The following WDR49 variants were observed in gnomAD, a reference collection of about 807,000 sequenced individuals.
WDR49 encodes cilia- and flagella-associated protein 337.
In WDR49, 107 loss-of-function variants were observed where a neutral mutation model predicts 119.5. The ratio of observed to expected loss-of-function variants is 0.90; its 90% CI spans 0.77 to 1.05. The LOEUF (loss-of-function observed/expected upper bound fraction) is 1.05, where lower values mean the gene tolerates loss of function less well. Among genes scored for constraint, WDR49 ranks in the 50% least tolerant of loss-of-function variants. The pLI is 0.00. For synonymous variants in WDR49, 425 were observed against 418.8 expected, an observed-to-expected ratio of 1.01 and a Z score of -0.18; for missense variants, 1,240 against 1,220.5, an observed-to-expected ratio of 1.02 and a Z score of -0.24.
chr3:167,603,360 T>G (rs986534858), intron 6 of WDR49, among the ~76,000 whole-genome samples: 1 of 152,132 alleles, frequency 6.6e-6, no homozygotes. Context: ...TTTGAGTCCT[T>G]GCCAAAATGA....
At chr3:167,485,902 A>G (rs1009470994) in intron 18 of WDR49, among the ~76,000 whole-genome samples, 25 of 151,926 alleles carry the variant, frequency 1.6e-4, no homozygotes, top group African/African-American at 6.0e-4. Context: ...AATACAAAGA[A>G]CCCTGGAAAG....
intron 7 of WDR49, among the ~76,000 whole-genome samples, chr3:167,597,054 CA>C (rs1490705183): frequency 2.0e-5 from 3 of 151,712 alleles, no homozygotes; most frequent in African/African-American, 7.3e-5. Context: ...ATAGCCAAGA[CA>C]ATGGGGAAAA....
intron 10 of WDR49, among the ~76,000 whole-genome samples, chr3:167,543,824 C>G (rs1000379485): frequency 2.0e-5 from 3 of 151,920 alleles, no homozygotes; most frequent in Non-Finnish European, 4.4e-5. Context: ...AAAAGGCATC[C>G]AAATCAGTAA....
chr3:167,589,337 T>C (rs1050085612), intron 7 of WDR49, among the ~76,000 whole-genome samples: 9 of 152,264 alleles, frequency 5.9e-5, no homozygotes, highest in South Asian at 4.1e-4. Context: ...TTGGTTACTG[T>C]AGCTCCATAG....
chr3:167,649,198 T>G (rs1172532076), intron 2 of WDR49, among the ~76,000 whole-genome samples: 4 of 152,096 alleles, frequency 2.6e-5, no homozygotes, highest in Non-Finnish European at 5.9e-5. Flanking sequence ...TAGGAAGACC[T>G]GTTCATTTGG....
chr3:167,650,195 A>G (rs536740102), intron 2 of WDR49, among the ~76,000 whole-genome samples: 507 of 152,248 alleles, frequency 3.3e-3, no homozygotes, highest in African/African-American at 0.012. Context: ...ACTTCTCACC[A>G]CTCCTATAAA....
chr3:167,492,145 GTTT>G (rs78618438), intron 18 of WDR49, among the ~76,000 whole-genome samples: 7 of 143,564 alleles, frequency 4.9e-5, no homozygotes, highest in Admixed American at 3.5e-4. Context: ...GGTAATTGAA[GTTT>G]TTTTTTTTTT....
At chr3:167,573,540 CA>C (rs891774669) in intron 8 of WDR49, among the ~76,000 whole-genome samples, 3 of 151,978 alleles carry the variant, frequency 2.0e-5, no homozygotes, top group Non-Finnish European at 2.9e-5. Flanking sequence ...GCCATAAGAA[CA>C]ATGCTGTTAT....
intron 7 of WDR49, among the ~76,000 whole-genome samples, chr3:167,577,297 C>G (rs188714710): frequency 1.1e-4 from 16 of 152,150 alleles, no homozygotes; most frequent in African/African-American, 3.9e-4. Flanking sequence ...AGTAGTGGTA[C>G]AGAATTAACA....
chr3:167,548,532 G>A (rs907133561), intron 10 of WDR49, among the ~76,000 whole-genome samples: 2 of 151,844 alleles, frequency 1.3e-5, no homozygotes, highest in African/African-American at 4.8e-5. Context: ...ACAGTTTGTC[G>A]CTAACTCTTA....
At chr3:167,604,718 A>G (rs1171942661) in intron 5 of WDR49, among the ~76,000 whole-genome samples, 4 of 152,112 alleles carry the variant, frequency 2.6e-5, no homozygotes, top group Admixed American at 2.6e-4. Context: ...AGATTTTGAA[A>G]GGTAATTAGG....
At chr3:167,590,396 C>T (rs1429831533) in intron 7 of WDR49, among the ~76,000 whole-genome samples, 1 of 152,010 alleles carries the variant, frequency 6.6e-6, no homozygotes, top group African/African-American at 2.4e-5. Context: ...GTTTCGGTAT[C>T]AGGGTAATAA....
At chr3:167,587,215 T>C (rs891645538) in intron 7 of WDR49, among the ~76,000 whole-genome samples, 3 of 152,060 alleles carry the variant, frequency 2.0e-5, no homozygotes, top group Non-Finnish European at 4.4e-5. Context: ...AAAAATACAA[T>C]ATACATATAC....
chr3:167,629,655 G>C (rs1203450501), intron 2 of WDR49, among the ~76,000 whole-genome samples: 1 of 152,104 alleles, frequency 6.6e-6, no homozygotes, highest in Non-Finnish European at 1.5e-5. Flanking sequence ...CATTAGAATG[G>C]CATCATTTTA....
intron 2 of WDR49, among the ~76,000 whole-genome samples, chr3:167,636,493 C>T (rs1717626359): frequency 6.6e-6 from 1 of 151,596 alleles, no homozygotes; most frequent in Non-Finnish European, 1.5e-5. Context: ...ACTTCTTTTC[C>T]TCTGGGTAGA....
intron 3 of WDR49, among the ~76,000 whole-genome samples, chr3:167,622,460 C>A (rs115575204): frequency 1.3e-4 from 20 of 152,238 alleles, no homozygotes; most frequent in African/African-American, 4.3e-4. Context: ...TTATTAAAAT[C>A]ACCATTCTGC....
chr3:167,555,152 C>T (rs1712850025), intron 9 of WDR49, among the ~76,000 whole-genome samples: 1 of 151,998 alleles, frequency 6.6e-6, no homozygotes, highest in South Asian at 2.1e-4. Flanking sequence ...ACCCTGAAAC[C>T]CCTAGGGAGC....
chr3:167,526,983 C>T (rs914002808), intron 15 of WDR49, among the ~76,000 whole-genome samples: 2 of 152,004 alleles, frequency 1.3e-5, no homozygotes, highest in Non-Finnish European at 2.9e-5. Context: ...CGCAAAAGCA[C>T]AAATGGAACA....
At chr3:167,517,708 T>TTTTTCTTTTC (rs142525684) in intron 16 of WDR49, among the ~76,000 whole-genome samples, 67 of 147,042 alleles carry the variant, frequency 4.6e-4, no homozygotes, top group South Asian at 1.3e-3. Flanking sequence ...CTTTACTTTT[T>TTTTTCTTTTC]TTTTCTTTTC....
Sources: allele counts gnomAD v4.1 joint callset (sites outside exome capture counted in the v4.1 genomes callset), GRCh38; gene constraint gnomAD v4.1.1; transcripts MANE v1.5; gene names NCBI Gene and HGNC (gene_info 2026-07-23, HGNC 2026-07-21).